The following RERE variants were observed in gnomAD, a reference collection of about 807,000 sequenced individuals.
The protein encoded by RERE is arginine-glutamic acid dipeptide repeats.
A neutral mutation model predicts 146.1 loss-of-function variants in RERE; 40 were observed. The observed-to-expected ratio is 0.27, with a 90% CI of 0.21 to 0.36. The LOEUF is 0.36. RERE is among the 10% of genes least tolerant of loss of function. The probability of loss-of-function intolerance (pLI) is 1.00; values close to 1 mark genes in which losing one functional copy is unlikely to be tolerated. For missense variants in RERE, 1,933 were observed against 2,138.7 expected (o/e 0.90, Z 1.90); for synonymous variants, 1,003 against 866.0 (o/e 1.16, Z -2.78).
In RERE at chr1:8,607,530, A is replaced by ATATATT. The variant is rs1646732034; in HGVS notation, c.522+7030_522+7031insAATATA. 8.7e-5 allele frequency among the ~76,000 whole-genome samples: 5 copies of ATATATT among 57,598 alleles called. No homozygotes were observed. The East Asian group carries it at 4.8e-3, about 55-fold the overall frequency. The allele number at this position is 57,598 out of a possible 152,430, so 37.8% of individuals were successfully genotyped here. Reference sequence around the variant, plus strand: ...GCCCCGCATATTTGTTTTTATATATATTTCTTTTTTTTTTTTTTTTTTTTT... The same window carrying ATATATT: ...GCCCCGCATATTTGTTTTTATATATATATATTTTTCTTTTTTTTTTTTTTTTTTTTT... On this transcript the variant is annotated intron_variant, in intron 4 of 22. Transcript: ENST00000400908.
At chr1:8,749,612 T>A (rs1640490357) in intron 1 of RERE, among the ~76,000 whole-genome samples, 1 of 152,162 alleles carries the variant, frequency 6.6e-6, no homozygotes, top group African/African-American at 2.4e-5. Context: ...TAAGAGTTAG[T>A]TTGTTAGTTC....
chr1:8,753,889 C>T (rs1048198169), intron 1 of RERE: 2 of 152,206 alleles, frequency 1.3e-5, no homozygotes, highest in African/African-American at 4.8e-5. Flanking sequence ...AAATCTTTAA[C>T]TCTACTGGGT....
chr1:8,743,039 T>C (rs79606462), intron 1 of RERE, among the ~76,000 whole-genome samples: 3,970 of 152,118 alleles, frequency 0.026, 162 homozygotes, highest in African/African-American at 0.09. Context: ...GACAACTGTA[T>C]TATAGAATTT....
At chr1:8,359,738 T>G in intron 19 of RERE, 26 bp downstream of exon 19, 1 of 1,596,638 alleles carries the variant, frequency 6.3e-7, no homozygotes, top group Non-Finnish European at 8.5e-7. Flanking sequence ...GCGCCCCCCG[T>G]CACACCTCGC....
intron 1 of RERE, among the ~76,000 whole-genome samples, chr1:8,730,098 A>T (rs1444946569): frequency 6.6e-6 from 1 of 152,254 alleles, no homozygotes; most frequent in Non-Finnish European, 1.5e-5. Flanking sequence ...ATAGAACCAG[A>T]TCCCAGAATG....
At chr1:8,443,459 G>GAAAA (rs144499944) in intron 11 of RERE, among the ~76,000 whole-genome samples, 49 of 112,740 alleles carry the variant, frequency 4.3e-4, no homozygotes, top group East Asian at 5.9e-4. Flanking sequence ...CTCAAAAAAA[G>GAAAA]AAAAAAAAAA....
At chr1:8,480,745 T>C (rs1304206375) in intron 10 of RERE, among the ~76,000 whole-genome samples, 2 of 152,160 alleles carry the variant, frequency 1.3e-5, no homozygotes, top group African/African-American at 4.8e-5. Context: ...CTAAGCCTGT[T>C]TTTAAATGTA....
chr1:8,430,342 T>C (rs762517464), intron 11 of RERE, among the ~76,000 whole-genome samples: 2 of 152,216 alleles, frequency 1.3e-5, no homozygotes, highest in Non-Finnish European at 2.9e-5. Context: ...ATTTCCAGTA[T>C]AGGCTGCTCC....
intron 1 of RERE, among the ~76,000 whole-genome samples, chr1:8,794,304 G>A (rs2124580197): frequency 7.3e-6 from 1 of 136,650 alleles, no homozygotes; most frequent in South Asian, 2.4e-4. Context: ...CTTGTAGTGA[G>A]CCGAGATCGT....
chr1:8,661,224 AAGGTCCAGAAGC>A (rs1638449607), intron 1 of RERE, among the ~76,000 whole-genome samples: 1 of 152,172 alleles, frequency 6.6e-6, no homozygotes, highest in East Asian at 1.9e-4. Flanking sequence ...GAAAAAGTGC[AAGGTCCAGAAGC>A]AGGAATGAGC....
chr1:8,523,206 G>GA (rs974817008), intron 7 of RERE, among the ~76,000 whole-genome samples: 3 of 151,304 alleles, frequency 2.0e-5, no homozygotes, highest in Non-Finnish European at 4.4e-5. Context: ...AAAAGAAAAA[G>GA]AAAAAAAAGT....
intron 1 of RERE, among the ~76,000 whole-genome samples, chr1:8,785,651 T>C (rs995555799): frequency 1.3e-5 from 2 of 152,156 alleles, no homozygotes; most frequent in Non-Finnish European, 1.5e-5. Flanking sequence ...AGACGAAGTC[T>C]CACTCTTGTC....
At chr1:8,731,984 T>C (rs1640095646) in intron 1 of RERE, among the ~76,000 whole-genome samples, 1 of 152,130 alleles carries the variant, frequency 6.6e-6, no homozygotes, top group Non-Finnish European at 1.5e-5. Flanking sequence ...TTTGTATTTT[T>C]AGTAGAGACG....
intron 1 of RERE, among the ~76,000 whole-genome samples, chr1:8,812,637 C>T (rs1473065600): frequency 1.3e-5 from 2 of 151,824 alleles, no homozygotes; most frequent in East Asian, 3.8e-4. Flanking sequence ...CAGAGCAAGA[C>T]TCCATCTCGA....
At chr1:8,769,731 C>T (rs925044234) in intron 1 of RERE, among the ~76,000 whole-genome samples, 5 of 152,132 alleles carry the variant, frequency 3.3e-5, no homozygotes, top group Admixed American at 3.3e-4. Context: ...CCTGCCTCAG[C>T]CTCCCGAAAT....
At chr1:8,464,289 T>C (rs1444612720) in intron 11 of RERE, among the ~76,000 whole-genome samples, 1 of 152,114 alleles carries the variant, frequency 6.6e-6, no homozygotes, top group Non-Finnish European at 1.5e-5. Context: ...GCTTTTCCCA[T>C]TCCTCAGCCC....
intron 2 of RERE, among the ~76,000 whole-genome samples, chr1:8,651,705 G>A (rs1230749884): frequency 1.3e-5 from 2 of 149,246 alleles, no homozygotes; most frequent in Admixed American, 1.3e-4. Context: ...CTGGATGACA[G>A]AGCAATACCC....
intron 10 of RERE, among the ~76,000 whole-genome samples, chr1:8,485,207 C>A (rs564689210): frequency 6.6e-6 from 1 of 152,136 alleles, no homozygotes; most frequent in African/African-American, 2.4e-5. Flanking sequence ...ACTAAGAATA[C>A]AAAATTCACT....
intron 8 of RERE, among the ~76,000 whole-genome samples, chr1:8,498,302 G>A (rs1338768584): frequency 6.6e-6 from 1 of 152,182 alleles, no homozygotes; most frequent in African/African-American, 2.4e-5. Context: ...AGGTTGCAGT[G>A]AGCTGAGATC....
Sources: allele counts gnomAD v4.1 joint callset (sites outside exome capture counted in the v4.1 genomes callset), GRCh38; gene constraint gnomAD v4.1.1; transcripts MANE v1.5; gene names NCBI Gene and HGNC (gene_info 2026-07-23, HGNC 2026-07-21).